Variants in ABCG5 observed in about 807,000 individuals in gnomAD.
ABCG5 encodes ATP binding cassette subfamily G member 5.
In ABCG5, 64 loss-of-function variants were observed where a neutral mutation model predicts 64.5. That is an observed-to-expected ratio of 0.99 (90% CI 0.81 to 1.22). The LOEUF is 1.22. Ranked by LOEUF, ABCG5 falls within the 50% of genes most tolerant of loss-of-function variation. The probability of loss-of-function intolerance (pLI) is 0.00; values close to 1 mark genes in which losing one functional copy is unlikely to be tolerated. For missense variants in ABCG5, 908 were observed against 829.5 expected, an observed-to-expected ratio of 1.09 and a Z score of -1.16; for synonymous variants, 385 against 326.3, an observed-to-expected ratio of 1.18 and a Z score of -1.94.
At chr2:43,810,297 G>C, downstream of ABCG5, 6 of 930,502 alleles carry the variant, frequency 6.4e-6, no homozygotes, top group Non-Finnish European at 7.7e-6. Flanking sequence ...CAGTGGTCTG[G>C]AATGGGGCAT....
At chr2:43,833,008 C>T (rs1364913604) in intron 2 of ABCG5, among the ~76,000 whole-genome samples, 1 of 152,132 alleles carries the variant, frequency 6.6e-6, no homozygotes, top group Non-Finnish European at 1.5e-5. Context: ...TGAGGTTTCA[C>T]CATGTTGGCC....
At chr2:43,838,926 G>A (rs934660445), upstream of ABCG5, 22 of 1,214,044 alleles carry the variant, frequency 1.8e-5, no homozygotes, top group African/African-American at 2.6e-4. The surrounding 1 kb of genome is among the most constrained non-coding windows in gnomAD (Gnocchi z 4.2). Context: ...GGAATGCTGG[G>A]AGAGACGGGC....
At chr2:43,838,939 A>G (rs1377331755), upstream of ABCG5, 1 of 1,266,518 alleles carries the variant, frequency 7.9e-7, no homozygotes, top group African/African-American at 1.5e-5. This position sits in a 1 kb window ranked among gnomAD's most constrained non-coding sequence, Gnocchi z 4.2. Context: ...AGACGGGCCC[A>G]GGGCAGGAGG....
chr2:43,839,138 G>C, upstream of ABCG5: 4 of 1,550,954 alleles, frequency 2.6e-6, no homozygotes, highest in Non-Finnish European at 3.5e-6. Flanking sequence ...ATGGGAAGTC[G>C]GCCCAGGCCT....
At chr2:43,820,546 C>G (rs1284393487) in intron 10 of ABCG5, among the ~76,000 whole-genome samples, 1 of 152,174 alleles carries the variant, frequency 6.6e-6, no homozygotes, top group Non-Finnish European at 1.5e-5. Flanking sequence ...GGGATTATTG[C>G]CTACGTGAAA....
intron 12 of ABCG5, among the ~76,000 whole-genome samples, 174 bp downstream of exon 12, chr2:43,814,303 C>A (rs1666678758): frequency 6.6e-6 from 1 of 152,206 alleles, no homozygotes; most frequent in African/African-American, 2.4e-5. Flanking sequence ...AACTTGACTA[C>A]TGCTTATTTT....
chr2:43,811,784 C>T (rs566047546), downstream of ABCG5, among the ~76,000 whole-genome samples: 5 of 152,058 alleles, frequency 3.3e-5, no homozygotes, highest in South Asian at 2.1e-4. Context: ...TTAGTAGAGA[C>T]GGGGTTTCAC....
chr2:43,820,715 G>C (rs374684440), intron 10 of ABCG5, among the ~76,000 whole-genome samples: 1 of 152,116 alleles, frequency 6.6e-6, no homozygotes, highest in African/African-American at 2.4e-5. Context: ...GTGCAGTGGC[G>C]TGATCTTGGC....
Position 43,813,177 on chromosome 2 carries a change from G to A in ABCG5, c.1895C>T (p.Pro632Leu), listed in dbSNP as rs1666569903. 5 of 1,534,606 alleles carry A rather than the reference G, an allele frequency of 3.3e-6. No homozygotes were observed. The highest frequency in any genetic ancestry group is 2.7e-5 in the African/African-American group (2 of 73,106). The change falls in exon 13 of 13, where the codon CCA (proline) becomes CTA (leucine). Residue 632 changes from proline (P) to leucine (L), a missense_variant. By Grantham distance (98) the Pro-to-Leu change is moderately conservative. Transcript: ENST00000405322. Reference protein sequence around the residue: ...MNFLILYSFIPALVILGIVVF... With the variant: ...MNFLILYSFILALVILGIVVF... ...AACTATTCCTAGGATGACAAGAGCT[G>A]GAATAAATGAATACAAAATCAGAAA...
chr2:43,822,485 C>A lies in ABCG5; in HGVS notation c.1463+312G>T, dbSNP rs1057450586. On this transcript the variant is annotated intron_variant, in intron 10 of 12. Coordinates refer to ENST00000405322, the MANE Select transcript of ABCG5 (RefSeq NM_022436.3). ...CTTTCTCCCCTCCCCCAGGCCCCCC[C>A]CCATGCACCTGGGTCCTAGCTACTT... 2.3e-5 allele frequency: 21 copies of A among 925,966 alleles called. 1 individual carries two copies. The highest frequency in any genetic ancestry group is 5.6e-4 in the Middle Eastern group (1 of 1,782). 57.4% of individuals were successfully genotyped at this position (925,966 alleles called of 1,614,324 possible). A position where few individuals can be genotyped will look rare whatever the true frequency, so the allele number is the denominator to read the frequency against.
In ABCG5 at chr2:43,838,680, G is replaced by T. The variant is rs1255572354; in HGVS notation, c.-1C>A. 6.2e-7 allele frequency: 1 copy of T among 1,613,620 alleles called. No homozygotes were observed. The highest frequency in any genetic ancestry group is 1.1e-5 in the South Asian group (1 of 90,996). On this transcript the variant is annotated 5_prime_UTR_variant, in exon 1 of 13. Transcript: ENST00000405322. The surrounding 1 kb of genome is among the most constrained non-coding windows in gnomAD (Gnocchi z 4.2). ...GGGTCAAAGATGAGAGGTCACCCATGGCCAACAGGCAGCAAAGCTGGGCAA... is the reference window on the plus strand; with the variant it reads ...GGGTCAAAGATGAGAGGTCACCCATTGCCAACAGGCAGCAAAGCTGGGCAA...
rs549744824 is a variant in ABCG5, at chr2:43,837,995, C to A, written c.144-40G>T. 7.4e-6 allele frequency: 12 copies of A among 1,612,656 alleles called. No homozygotes were observed. In the South Asian group the frequency reaches 1.1e-4, roughly 15 times the overall value. ...CCAGGAAGGCAAAGGCAGCTTGGGG[C>A]CCTGGAAGGGGCCACACCCAGGTCC... On this transcript the variant is annotated intron_variant, in intron 1 of 12. Coordinates refer to ENST00000405322, the MANE Select transcript of ABCG5 (RefSeq NM_022436.3).
At chr2:43,813,498 GC>G (rs1410662155) in intron 12 of ABCG5, among the ~76,000 whole-genome samples, 189 bp from the exon 13 acceptor site, 1 of 152,078 alleles carries the variant, frequency 6.6e-6, no homozygotes, top group Non-Finnish European at 1.5e-5. Context: ...AGATGGACAT[GC>G]TTTTGTTTCT....
At chr2:43,828,233 C>G in intron 4 of ABCG5, 118 bp from the exon 5 acceptor site, 1 of 1,364,626 alleles carries the variant, frequency 7.3e-7, no homozygotes, top group Non-Finnish European at 1.0e-6. Flanking sequence ...GGGCCACTTC[C>G]AGACTCACCA....
At position 43,838,801 on chromosome 2, in the gene ABCG5, G is replaced by C; in HGVS notation, c.-122C>G. The C allele has an allele frequency of 2.0e-6, 3 of 1,534,144 alleles. No individual in the cohort carries two copies. The highest frequency in any genetic ancestry group is 2.6e-6 in the Non-Finnish European group (3 of 1,133,992). On this transcript the variant is annotated 5_prime_UTR_variant, in exon 1 of 13. Coordinates refer to ENST00000405322, the MANE Select transcript of ABCG5 (RefSeq NM_022436.3). This position sits in a 1 kb window ranked among gnomAD's most constrained non-coding sequence, Gnocchi z 4.2. ...TCCACCTGACCCCGGAGTCCCTTGG[G>C]ACAGCAGGACTGGGACTTGGCCACG...
downstream of ABCG5, chr2:43,810,517 C>A (rs2104732105): frequency 1.0e-6 from 1 of 985,056 alleles, no homozygotes; most frequent in Non-Finnish European, 1.2e-6. Flanking sequence ...TAGCCAAGTT[C>A]ATTTTGAGTA....
At chr2:43,817,352 G>A (rs749384681) in intron 11 of ABCG5, among the ~76,000 whole-genome samples, 5 of 152,034 alleles carry the variant, frequency 3.3e-5, no homozygotes, top group East Asian at 3.9e-4. Context: ...GGGCGTGGTG[G>A]TGCGCACCTG....
At chr2:43,821,606 C>T (rs1318261489) in intron 10 of ABCG5, among the ~76,000 whole-genome samples, 1 of 152,154 alleles carries the variant, frequency 6.6e-6, no homozygotes, top group African/African-American at 2.4e-5. Context: ...CTCCCTTAAG[C>T]AATGGAAGGT....
At chr2:43,837,122 T>A (rs75538698) in intron 2 of ABCG5, among the ~76,000 whole-genome samples, 1 of 54,936 alleles carries the variant, frequency 1.8e-5, no homozygotes, top group Non-Finnish European at 3.3e-5. Context: ...TCTCCAGTCT[T>A]TTTTTTTTTT....
Sources: allele counts gnomAD v4.1 joint callset (sites outside exome capture counted in the v4.1 genomes callset), GRCh38; gene constraint gnomAD v4.1.1; non-coding constraint Gnocchi (gnomAD v3.1); transcripts MANE v1.5; gene names NCBI Gene and HGNC (gene_info 2026-07-23, HGNC 2026-07-21).